The following D2HGDH variants were observed in gnomAD, a reference collection of about 807,000 sequenced individuals.
D2HGDH encodes the protein D-2-hydroxyglutarate dehydrogenase, mitochondrial.
D2HGDH carries 31 observed loss-of-function variants against 46.9 expected under a neutral mutation model. The observed-to-expected ratio is 0.66, with a 90% CI of 0.50 to 0.89. The LOEUF (loss-of-function observed/expected upper bound fraction) is 0.89, where lower values mean the gene tolerates loss of function less well. Among genes scored for constraint, D2HGDH ranks in the 40% least tolerant of loss-of-function variants. The probability of loss-of-function intolerance (pLI) is 0.00; values close to 1 mark genes in which losing one functional copy is unlikely to be tolerated. For missense variants in D2HGDH, 698 were observed against 720.8 expected (o/e 0.97, Z 0.36); for synonymous variants, 364 against 332.6 (o/e 1.09, Z -1.03).
chr2:241,761,683 G>A (rs1194238932), intron 9 of D2HGDH, among the ~76,000 whole-genome samples: 1 of 152,188 alleles, frequency 6.6e-6, no homozygotes. Context: ...GCACCTGCAT[G>A]CTGTTCGGTG....
intron 8 of D2HGDH, among the ~76,000 whole-genome samples, chr2:241,753,622 A>G (rs1697653458): frequency 6.6e-6 from 1 of 152,098 alleles, no homozygotes; most frequent in African/African-American, 2.4e-5. Context: ...AACGGGGGAC[A>G]CTCAGCCCTG....
intron 8 of D2HGDH, among the ~76,000 whole-genome samples, chr2:241,752,235 C>CA (rs1697377015): frequency 6.6e-6 from 1 of 152,152 alleles, no homozygotes; most frequent in African/African-American, 2.4e-5. Context: ...TGCTTCTGGG[C>CA]AAAACGGTGT....
At chr2:241,749,227 G>A (rs1559376030) in intron 6 of D2HGDH, 20 of 1,091,844 alleles carry the variant, frequency 1.8e-5, no homozygotes, top group East Asian at 6.2e-5. Flanking sequence ...AGCCCTCTAC[G>A]CGTCTGCAGC....
chr2:241,748,678 A>C, intron 6 of D2HGDH: 1 of 390,990 alleles, frequency 2.6e-6, no homozygotes, highest in Non-Finnish European at 3.9e-6. Context: ...TGCTGCCCCC[A>C]CACCGCCTCC....
chr2:241,746,331 A>G (rs779239945), intron 6 of D2HGDH, among the ~76,000 whole-genome samples: 19 of 152,054 alleles, frequency 1.2e-4, no homozygotes, highest in Non-Finnish European at 2.1e-4. Context: ...GAACCCCTCC[A>G]TGAGTGGTTC....
Position 241,758,767 on chromosome 2 carries a change from A to G in D2HGDH, c.1306+2753A>G, listed in dbSNP as rs1421354653. On this transcript the variant is annotated intron_variant, in intron 9 of 9. Coordinates refer to ENST00000321264, the MANE Select transcript of D2HGDH (RefSeq NM_152783.5). ...TCTATACCGCCCCCCGCCCCACAAT[A>G]TATGTGTGTGTGTGTGTGTGTGTGT... Among the ~76,000 whole-genome samples the G allele has an allele frequency of 2.6e-3, 276 of 106,222 alleles. 3 individuals carry two copies. The highest frequency in any genetic ancestry group is 7.8e-3 in the South Asian group (19 of 2,426). The allele number at this position is 106,222 out of a possible 152,430, so 69.7% of individuals were successfully genotyped here. A position where few individuals can be genotyped will look rare whatever the true frequency, so the allele number is the denominator to read the frequency against.
In D2HGDH at chr2:241,767,609, G is replaced by A. The variant is rs533159666; in HGVS notation, c.1307-101G>A. 507 of 1,550,154 alleles carry A rather than the reference G, an allele frequency of 3.3e-4. 4 individuals carry two copies. In the East Asian group the frequency reaches 0.011, roughly 33 times the overall value. ...AGGGTGAGGCTCAGCCGGGGGTCTC[G>A]GGGTTGCTGGGGAGGGGATCTTGGG... On this transcript the variant is annotated intron_variant, in intron 9 of 9. Transcript: ENST00000321264.
At chr2:241,739,365 A>C (rs775422998) in intron 2 of D2HGDH, among the ~76,000 whole-genome samples, 9 of 152,240 alleles carry the variant, frequency 5.9e-5, no homozygotes, top group Non-Finnish European at 1.2e-4. Context: ...CCCACTCGGG[A>C]CAGGGACGCA....
intron 8 of D2HGDH, chr2:241,755,195 G>A (rs919974282): frequency 2.3e-6 from 3 of 1,294,576 alleles, no homozygotes; most frequent in African/African-American, 1.5e-5. Context: ...CGCCCGCCGT[G>A]TCCCTCCTCC....
chr2:241,762,998 T>C (rs974924657), intron 9 of D2HGDH, among the ~76,000 whole-genome samples: 1 of 152,304 alleles, frequency 6.6e-6, no homozygotes, highest in Non-Finnish European at 1.5e-5. Context: ...GTAGGAATTA[T>C]TTGAGGCCTG....
chr2:241,758,636 T>G (rs6437287), intron 9 of D2HGDH, among the ~76,000 whole-genome samples: 14,445 of 152,010 alleles, frequency 0.095, 2,244 homozygotes, highest in African/African-American at 0.33. Flanking sequence ...GTAGGCCCGG[T>G]GCAGTGGTTC....
Position 241,735,463 on chromosome 2 carries a change from C to G in D2HGDH, c.239C>G (p.Thr80Arg). Reference protein sequence around the residue: ...FERIVPGGVVTDPEALQAPNV... With the variant: ...FERIVPGGVVRDPEALQAPNV... The stretch of plus-strand genomic sequence containing the variant: ...CGCATCGTGCCCGGCGGGGTCGTCA[C>G]GGACCCGGAAGCGCTGCAGGCTCCC... Residue 80 changes from threonine to arginine, a missense_variant, in exon 2 of 10, where the codon ACG becomes AGG. Transcript: ENST00000321264. 1 of 1,609,552 alleles carries G rather than the reference C, an allele frequency of 6.2e-7. No homozygotes were observed. The highest frequency in any genetic ancestry group is 8.5e-7 in the Non-Finnish European group (1 of 1,179,732).
intron 9 of D2HGDH, among the ~76,000 whole-genome samples, chr2:241,756,494 A>T: frequency 6.6e-6 from 1 of 152,306 alleles, no homozygotes; most frequent in Admixed American, 6.5e-5. Flanking sequence ...GTAAGCTATT[A>T]ATTCATAGGA....
chr2:241,755,401 C>T (rs746916580), intron 8 of D2HGDH: 34 of 1,304,984 alleles, frequency 2.6e-5, no homozygotes, highest in African/African-American at 9.1e-5. Context: ...GTTCAGGGAG[C>T]GTCCAGGCCC....
Position 241,755,404 on chromosome 2 carries a change from C to G in D2HGDH, c.1141-445C>G, listed in dbSNP as rs1465493491. 6.1e-6 allele frequency: 8 copies of G among 1,306,092 alleles called. No homozygotes were observed. The South Asian group carries it at 7.4e-5, about 12-fold the overall frequency. The allele number at this position is 1,306,092 out of a possible 1,614,324, so 80.9% of individuals were successfully genotyped here. On this transcript the variant is annotated intron_variant, in intron 8 of 9. Transcript: ENST00000321264. ...TGCCCCACCCTGGTTCAGGGAGCGT[C>G]CAGGCCCATTCTCATCCTCAGGGCC... is the stretch of plus-strand genomic sequence containing the variant.
intron 9 of D2HGDH, among the ~76,000 whole-genome samples, chr2:241,763,136 G>C (rs577229101): frequency 6.6e-6 from 1 of 152,218 alleles, no homozygotes; most frequent in Non-Finnish European, 1.5e-5. Flanking sequence ...GGTGCAGGCC[G>C]CCGTTGCTCG....
rs1483368274 is a variant in D2HGDH at position 241,735,224 on chromosome 2, G to C, written c.-1G>C. ...AGCCCGAGGTCTCCGTCCCGGCGGCGATGCTGCCCCGTCGGCCTCTGGCGT... is the reference window on the plus strand; with the variant it reads ...AGCCCGAGGTCTCCGTCCCGGCGGCCATGCTGCCCCGTCGGCCTCTGGCGT... On this transcript the variant is annotated 5_prime_UTR_variant, in exon 2 of 10. Coordinates refer to ENST00000321264, the MANE Select transcript of D2HGDH (RefSeq NM_152783.5). 1 of 1,508,396 alleles carries C rather than the reference G, an allele frequency of 6.6e-7. No individual in the cohort carries two copies. Among genetic ancestry groups the C allele is most frequent in the Non-Finnish European group, 8.8e-7 (1 of 1,136,936 alleles). The allele number at this position is 1,508,396 out of a possible 1,614,324, so 93.4% of individuals were successfully genotyped here. A position where few individuals can be genotyped will look rare whatever the true frequency, so the allele number is the denominator to read the frequency against.
Position 241,755,967 on chromosome 2 carries a change from C to A in D2HGDH, c.1259C>A (p.Ala420Asp). 1 of 1,605,116 alleles carries A rather than the reference C, an allele frequency of 6.2e-7. No homozygotes were observed. Residue 420 changes from alanine (A) to aspartate (D), a missense_variant, in exon 9 of 10, where the codon GCC becomes GAC. Coordinates refer to ENST00000321264, the MANE Select transcript of D2HGDH (RefSeq NM_152783.5). ...RLYDIVTDLRARLGPHAKHVV... is the reference protein window; with the variant it reads ...RLYDIVTDLRDRLGPHAKHVV... ...TACGACATCGTGACTGACCTGCGCG[C>A]CCGCCTCGGCCCGCACGCCAAGCAC...
intron 2 of D2HGDH, among the ~76,000 whole-genome samples, chr2:241,737,581 C>T (rs1263245796): frequency 6.6e-6 from 1 of 152,156 alleles, no homozygotes; most frequent in Non-Finnish European, 1.5e-5. Context: ...CCTCCACTTC[C>T]TGGGGTCAAG....
Sources: gnomAD v4.1 joint callset for allele counts (sites outside exome capture counted in the v4.1 genomes callset) on GRCh38, gnomAD v4.1.1 for gene constraint, MANE v1.5 for transcripts, NCBI Gene and HGNC (gene_info 2026-07-23, HGNC 2026-07-21) for gene names.